Variants in DOCK5 observed in about 807,000 individuals in gnomAD.
DOCK5 encodes dedicator of cytokinesis protein 5.
DOCK5 carries 142 observed loss-of-function variants against 251.8 expected under a neutral mutation model. That is an observed-to-expected ratio of 0.56 (90% CI 0.49 to 0.65). The LOEUF is 0.65. DOCK5 is among the 30% of genes least tolerant of loss of function. The pLI is 0.00. For synonymous variants in DOCK5, 842 were observed against 835.5 expected, an observed-to-expected ratio of 1.01 and a Z score of -0.13; for missense variants, 2,111 against 2,312.3, an observed-to-expected ratio of 0.91 and a Z score of 1.79.
intron 27 of DOCK5, among the ~76,000 whole-genome samples, chr8:25,352,378 C>T (rs1389520085): frequency 6.6e-6 from 1 of 152,026 alleles, no homozygotes; most frequent in Non-Finnish European, 1.5e-5. Flanking sequence ...AGAAACCAAA[C>T]ATTTTAAAGA....
intron 1 of DOCK5, among the ~76,000 whole-genome samples, chr8:25,217,262 T>C (rs1802272579): frequency 6.6e-6 from 1 of 150,932 alleles, no homozygotes; most frequent in Admixed American, 6.7e-5. Flanking sequence ...ATATGTATAC[T>C]ATATATGCAT....
chr8:25,378,669 G>A (rs1286812653), intron 38 of DOCK5, among the ~76,000 whole-genome samples: 1 of 152,168 alleles, frequency 6.6e-6, no homozygotes, highest in Non-Finnish European at 1.5e-5. Flanking sequence ...CTCAGACACT[G>A]AGGACGTGCT....
intron 45 of DOCK5, among the ~76,000 whole-genome samples, chr8:25,398,073 A>G (rs2117330700): frequency 6.6e-6 from 1 of 152,318 alleles, no homozygotes; most frequent in Admixed American, 6.5e-5. Context: ...CCAAAATGAT[A>G]AGAACACAGG....
At chr8:25,363,402 C>G (rs1463887910) in intron 29 of DOCK5, among the ~76,000 whole-genome samples, 2 of 152,236 alleles carry the variant, frequency 1.3e-5, no homozygotes, top group African/African-American at 4.8e-5. Context: ...ATCCTCAACT[C>G]TCCACTGCAC....
At chr8:25,354,049 C>A (rs4999641) in intron 27 of DOCK5, among the ~76,000 whole-genome samples, 1,816 of 23,210 alleles carry the variant, frequency 0.078, 518 homozygotes, top group African/African-American at 0.26. Context: ...AAAAAAAAAA[C>A]AAACAAAAAA....
At position 25,395,572 on chromosome 8, in the gene DOCK5, C is replaced by A. The variant is rs1014836697; in HGVS notation, c.4557C>A (p.Ile1519=). ...AGATCAGTCCTCTGGAGAATGCCAT[C>A]GAAACCATGGAGCTGACCAACGAGA... The part of the protein sequence containing the change: ...TEEISPLENA[I]ETMELTNERI... The change falls in exon 45 of 52, where the codon ATC becomes ATA. Residue 1519 remains isoleucine, a synonymous_variant. Coordinates refer to ENST00000276440, the MANE Select transcript of DOCK5 (RefSeq NM_024940.8). The A allele has an allele frequency of 6.2e-6, 10 of 1,613,340 alleles. No individual in the cohort carries two copies. Among genetic ancestry groups the A allele is most frequent in the Middle Eastern group, 1.7e-4 (1 of 6,060 alleles).
intron 19 of DOCK5, 117 bp downstream of exon 19, chr8:25,332,465 C>A: frequency 1.7e-6 from 2 of 1,189,062 alleles, no homozygotes; most frequent in Non-Finnish European, 2.3e-6. Flanking sequence ...ATAAAATCTA[C>A]GTTGTTAAAC....
At position 25,399,893 on chromosome 8, in the gene DOCK5, G is replaced by C; in HGVS notation, c.4705-18G>C. 6.3e-7 allele frequency: 1 copy of C among 1,597,656 alleles called. No individual in the cohort carries two copies. Among genetic ancestry groups the C allele is most frequent in the Non-Finnish European group, 8.6e-7 (1 of 1,169,028 alleles). On this transcript the variant is annotated intron_variant, in intron 45 of 51. Coordinates refer to ENST00000276440, the MANE Select transcript of DOCK5 (RefSeq NM_024940.8). ...TAGGAATGTGTTCTAATTAAAACTT[G>C]CATATGCTTTTTTTTAGGCTTTTTT...
chr8:25,227,911 G>A (rs971014535), intron 1 of DOCK5, among the ~76,000 whole-genome samples: 1 of 151,030 alleles, frequency 6.6e-6, no homozygotes, highest in South Asian at 2.1e-4. Context: ...TTGAGACAAG[G>A]TCTCTCTCTG....
Position 25,408,049 on chromosome 8 carries a change from TAGAG to T in DOCK5, c.5163_5166del (p.Glu1722ArgfsTer17). 6.2e-7 allele frequency: 1 copy of T among 1,611,132 alleles called. No homozygotes were observed. Among genetic ancestry groups the T allele is most frequent in the Non-Finnish European group, 8.5e-7 (1 of 1,178,778 alleles). On this transcript the variant is annotated frameshift_variant, in exon 49 of 52. Transcript: ENST00000276440. LOFTEE classifies it high-confidence loss of function. The stretch of plus-strand genomic sequence containing the variant: ...GTGCCAGAGTTGAAGATCTGTCCCT[TAGAG>T]AGGAGAACAGCGAGAACCGGATCAG...
intron 1 of DOCK5, among the ~76,000 whole-genome samples, chr8:25,187,235 A>C (rs989733806): frequency 6.9e-6 from 1 of 145,298 alleles, no homozygotes; most frequent in Non-Finnish European, 1.5e-5. Flanking sequence ...ATATACGTAT[A>C]TATATATATA....
Position 25,368,720 on chromosome 8 carries a change from C to T in DOCK5, c.3433C>T (p.His1145Tyr), listed in dbSNP as rs1318410826. 1.9e-6 allele frequency: 3 copies of T among 1,612,420 alleles called. No individual in the cohort carries two copies. In the East Asian group the frequency reaches 6.7e-5, roughly 36 times the overall value. Residue 1145 changes from histidine to tyrosine, a missense_variant, in exon 33 of 52, where the codon CAT (histidine) becomes TAT (tyrosine). Transcript: ENST00000276440. ...EFNFSGNGNFHMFENELITKL... is the reference protein window; with the variant it reads ...EFNFSGNGNFYMFENELITKL... ...CAATTTCAGTGGAAATGGCAATTTC[C>T]ATATGGTAAGAAGTGGCAGACCGCG... is the stretch of plus-strand genomic sequence containing the variant.
chr8:25,410,697 A>G (rs1425467764), intron 51 of DOCK5, among the ~76,000 whole-genome samples: 1 of 82,374 alleles, frequency 1.2e-5, no homozygotes, highest in Non-Finnish European at 2.4e-5. Context: ...CCTGGCCTCA[A>G]GTGATCCCCC....
chr8:25,380,894 C>T (rs1383217944), intron 39 of DOCK5, among the ~76,000 whole-genome samples: 1 of 151,336 alleles, frequency 6.6e-6, no homozygotes, highest in Non-Finnish European at 1.5e-5. Flanking sequence ...GAGGCAGCAC[C>T]ATTCCGAATG....
chr8:25,355,638 C>A (rs540369960), intron 27 of DOCK5, among the ~76,000 whole-genome samples: 1 of 151,900 alleles, frequency 6.6e-6, no homozygotes, highest in African/African-American at 2.4e-5. Flanking sequence ...TTAGCAGAGA[C>A]GAGGTTTTGC....
intron 18 of DOCK5, among the ~76,000 whole-genome samples, chr8:25,328,962 T>C (rs1015569908): frequency 6.6e-6 from 1 of 152,228 alleles, no homozygotes. Flanking sequence ...TCCTAAGTCG[T>C]GGACTTGTAT....
intron 2 of DOCK5, among the ~76,000 whole-genome samples, chr8:25,267,579 G>T (rs1029376232): frequency 6.6e-6 from 1 of 152,196 alleles, no homozygotes; most frequent in East Asian, 1.9e-4. Flanking sequence ...TCTACTCACT[G>T]TGTATATATG....
chr8:25,254,777 AAAAAACAAAACAAAAC>A lies in DOCK5; in HGVS notation c.127+11026_127+11041del, dbSNP rs1294424814. ...CGACAAAGCAAGACTTTGTCTCAAA[AAAAAACAAAACAAAAC>A]AAAAAAAAAAAACATTTGATAAAGG... is the stretch of plus-strand genomic sequence containing the variant. On this transcript the variant is annotated intron_variant, in intron 2 of 51. Transcript: ENST00000276440. 1.3e-4 allele frequency among the ~76,000 whole-genome samples: 16 copies of A among 127,816 alleles called. 4 individuals are homozygous for A. The highest frequency in any genetic ancestry group is 3.2e-4 in the Admixed American group (4 of 12,650). 83.9% of individuals were successfully genotyped at this position (127,816 alleles called of 152,430 possible).
At chr8:25,410,384 A>G (rs1202440590) in intron 51 of DOCK5, among the ~76,000 whole-genome samples, 182 bp downstream of exon 51, 2 of 151,922 alleles carry the variant, frequency 1.3e-5, no homozygotes, top group Non-Finnish European at 2.9e-5. Flanking sequence ...CAGACATGCA[A>G]GCAGATGATG....
Sources: gnomAD v4.1 joint callset for allele counts (sites outside exome capture counted in the v4.1 genomes callset) on GRCh38, gnomAD v4.1.1 for gene constraint, MANE v1.5 for transcripts, NCBI Gene and HGNC (gene_info 2026-07-23, HGNC 2026-07-21) for gene names.